ACSM5: variants seen among roughly 807,000 people sequenced by gnomAD.
ACSM5 encodes acyl-CoA synthetase medium chain family member 5, also known as acyl-coenzyme A synthetase ACSM5, mitochondrial.
Under a neutral mutation model 71.6 loss-of-function variants are expected in ACSM5, and 56 were observed. The ratio of observed to expected loss-of-function variants is 0.78; its 90% CI spans 0.63 to 0.98. The LOEUF (loss-of-function observed/expected upper bound fraction) is 0.98. Ranked by LOEUF, ACSM5 falls within the 50% of genes least tolerant of loss-of-function variation. ACSM5 has a pLI of 0.00. For synonymous variants in ACSM5, 285 were observed against 281.5 expected, an observed-to-expected ratio of 1.01 and a Z score of -0.12; for missense variants, 723 against 726.0, an observed-to-expected ratio of 1.00 and a Z score of 0.05.
intron 2 of ACSM5, 198 bp downstream of exon 2, chr16:20,411,886 T>C: frequency 1.7e-6 from 1 of 599,368 alleles, no homozygotes; most frequent in Non-Finnish European, 3.0e-6. Flanking sequence ...GACATGCTTG[T>C]TCCTTCTCTG....
intron 12 of ACSM5, among the ~76,000 whole-genome samples, chr16:20,438,707 G>A (rs1301145093): frequency 6.6e-6 from 1 of 151,500 alleles, no homozygotes; most frequent in Admixed American, 6.6e-5. Flanking sequence ...TGTAATCCCA[G>A]CACTTTGGGA....
At chr16:20,431,944 CAAA>C (rs747665777) in intron 10 of ACSM5, among the ~76,000 whole-genome samples, 2 of 126,730 alleles carry the variant, frequency 1.6e-5, no homozygotes, top group East Asian at 2.5e-4. Flanking sequence ...GACTCCGTAT[CAAA>C]AAAAAAAAAT....
At chr16:20,438,572 C>T (rs1967249977) in intron 12 of ACSM5, among the ~76,000 whole-genome samples, 1 of 151,744 alleles carries the variant, frequency 6.6e-6, no homozygotes, top group South Asian at 2.1e-4. Context: ...GTTCTGCATG[C>T]CGTGAGTTAA....
intron 3 of ACSM5, among the ~76,000 whole-genome samples, chr16:20,418,568 A>T (rs1966863715): frequency 6.6e-6 from 1 of 152,234 alleles, no homozygotes; most frequent in Admixed American, 6.5e-5. Context: ...TTCCCACGAC[A>T]GAATGAATAC....
At chr16:20,418,638 CCT>C (rs775118524) in intron 3 of ACSM5, among the ~76,000 whole-genome samples, 13 of 152,116 alleles carry the variant, frequency 8.5e-5, no homozygotes, top group Non-Finnish European at 1.3e-4. Context: ...GAAAAATCCC[CCT>C]GTCTTTTAAT....
chr16:20,436,815 G>A (rs1414693642), intron 10 of ACSM5, among the ~76,000 whole-genome samples: 4 of 152,134 alleles, frequency 2.6e-5, no homozygotes, highest in Non-Finnish European at 5.9e-5. Context: ...GGATGGTGGT[G>A]GGTGACTGCC....
chr16:20,435,694 T>G (rs1317304699), intron 10 of ACSM5, among the ~76,000 whole-genome samples: 1 of 152,216 alleles, frequency 6.6e-6, no homozygotes, highest in Non-Finnish European at 1.5e-5. Context: ...AAAAAAGAAC[T>G]TCATGTAAAT....
At chr16:20,432,355 C>T (rs539950234) in intron 10 of ACSM5, among the ~76,000 whole-genome samples, 37 of 152,322 alleles carry the variant, frequency 2.4e-4, no homozygotes, top group African/African-American at 7.9e-4. Flanking sequence ...GTCTACTAAG[C>T]TGTCAATCAG....
chr16:20,418,826 C>T (rs1966864672), intron 3 of ACSM5, among the ~76,000 whole-genome samples: 1 of 152,138 alleles, frequency 6.6e-6, no homozygotes, highest in Admixed American at 6.5e-5. Context: ...TTATGATTCT[C>T]ATTATCACAG....
chr16:20,420,935 A>G (rs1382019785), intron 4 of ACSM5: 2 of 172,092 alleles, frequency 1.2e-5, no homozygotes, highest in African/African-American at 4.7e-5. Context: ...ATGGGGGTGG[A>G]AGCTGTGCCT....
chr16:20,440,267 A>G (rs1967299445), intron 13 of ACSM5, 77 bp from the exon 14 acceptor site: 2 of 1,019,350 alleles, frequency 2.0e-6, no homozygotes, highest in Non-Finnish European at 3.0e-6. Flanking sequence ...GGCAGACAGT[A>G]TTGTCTCTTT....
At chr16:20,426,800 T>A (rs1414436855) in intron 6 of ACSM5, among the ~76,000 whole-genome samples, 1 of 152,050 alleles carries the variant, frequency 6.6e-6, no homozygotes, top group Non-Finnish European at 1.5e-5. Context: ...GAGTTTAAGT[T>A]TGAGAAGATA....
intron 4 of ACSM5, among the ~76,000 whole-genome samples, chr16:20,420,184 C>A (rs1235608369): frequency 6.6e-6 from 1 of 152,190 alleles, no homozygotes; most frequent in Non-Finnish European, 1.5e-5. Flanking sequence ...GAATGCTCAC[C>A]CCACAGACCA....
In ACSM5 at chr16:20,429,757, C is replaced by G; in HGVS notation, c.1081C>G (p.Gln361Glu). The change falls in exon 8 of 14, where the codon CAG becomes GAG. Residue 361 changes from glutamine (Q) to glutamate (E), a missense_variant. Gln to Glu is a conservative substitution (Grantham distance 29, BLOSUM62 2). Transcript: ENST00000331849. ...NPDVREKWKHQTGVELYEGYG... is the reference protein window; with the variant it reads ...NPDVREKWKHETGVELYEGYG... ...TGACGTGAGGGAGAAGTGGAAACAC[C>G]AGACTGGTGTGGAGCTGTACGAAGG... The G allele has an allele frequency of 6.2e-7, 1 of 1,610,816 alleles. No individual in the cohort carries two copies. Among genetic ancestry groups the G allele is most frequent in the Non-Finnish European group, 8.5e-7 (1 of 1,178,672 alleles).
chr16:20,431,167 G>C, intron 9 of ACSM5, 53 bp from the exon 10 acceptor site: 2 of 1,590,076 alleles, frequency 1.3e-6, no homozygotes, highest in Non-Finnish European at 1.7e-6. Context: ...TGCTGGGAGA[G>C]GCCCAGGGTG....
intron 10 of ACSM5, among the ~76,000 whole-genome samples, chr16:20,432,847 CTTTTTTTTTT>C (rs56853520): frequency 1.7e-4 from 10 of 57,606 alleles, no homozygotes; most frequent in Admixed American, 2.4e-4. Flanking sequence ...CCAGATCATT[CTTTTTTTTTT>C]TTTTTTTTTT....
chr16:20,426,526 T>C (rs1966983711), intron 6 of ACSM5, among the ~76,000 whole-genome samples: 1 of 152,278 alleles, frequency 6.6e-6, no homozygotes, highest in East Asian at 1.9e-4. Context: ...CACAGATGAA[T>C]GAATAAACAA....
chr16:20,428,396 G>A (rs6497484), intron 7 of ACSM5, among the ~76,000 whole-genome samples: 59,688 of 152,030 alleles, frequency 0.39, 13,532 homozygotes, highest in African/African-American at 0.62. Context: ...ACATGCCATT[G>A]GGCACCCAAG....
At chr16:20,439,599 G>A (rs1325157980) in intron 12 of ACSM5, among the ~76,000 whole-genome samples, 1 of 150,996 alleles carries the variant, frequency 6.6e-6, no homozygotes, top group African/African-American at 2.4e-5. Flanking sequence ...TCCCAGAAAG[G>A]TCAATCCTCC....
Sources: gnomAD v4.1 joint callset for allele counts (sites outside exome capture counted in the v4.1 genomes callset) on GRCh38, gnomAD v4.1.1 for gene constraint, MANE v1.5 for transcripts, NCBI Gene and HGNC (gene_info 2026-07-23, HGNC 2026-07-21) for gene names.